ATP8B4: variants seen among roughly 807,000 people sequenced by gnomAD.
ATP8B4 encodes the protein probable phospholipid-transporting ATPase IM.
Under a neutral mutation model 145.6 loss-of-function variants are expected in ATP8B4, and 133 were observed. That is an observed-to-expected ratio of 0.91 (90% confidence interval 0.79 to 1.05). ATP8B4 has a LOEUF of 1.05. ATP8B4 is among the 50% of genes least tolerant of loss of function. The probability of loss-of-function intolerance (pLI) is 0.00; values close to 1 mark genes in which losing one functional copy is unlikely to be tolerated. For synonymous variants in ATP8B4, 507 were observed against 492.9 expected, an observed-to-expected ratio of 1.03 and a Z score of -0.38; for missense variants, 1,458 against 1,425.2, an observed-to-expected ratio of 1.02 and a Z score of -0.37.
intron 20 of ATP8B4, among the ~76,000 whole-genome samples, chr15:49,902,817 T>C (rs2038185937): frequency 6.6e-6 from 1 of 152,172 alleles, no homozygotes; most frequent in Non-Finnish European, 1.5e-5. Flanking sequence ...TCTCTGACAA[T>C]GTTGCAGAGC....
intron 3 of ATP8B4, among the ~76,000 whole-genome samples, chr15:50,072,192 G>T (rs376250980): frequency 6.6e-6 from 1 of 150,428 alleles, no homozygotes; most frequent in African/African-American, 2.5e-5. Context: ...GTACCTAATG[G>T]ACACTGCCAA....
intron 1 of ATP8B4, among the ~76,000 whole-genome samples, chr15:50,132,680 A>G (rs1161809232): frequency 6.6e-6 from 1 of 152,234 alleles, no homozygotes; most frequent in East Asian, 1.9e-4. Context: ...CTGCAGCACT[A>G]TTCACACTAG....
intron 13 of ATP8B4, among the ~76,000 whole-genome samples, chr15:49,970,667 A>G (rs1328162077): frequency 6.6e-6 from 1 of 152,204 alleles, no homozygotes; most frequent in Non-Finnish European, 1.5e-5. Flanking sequence ...GGATAGGAAG[A>G]ATCAATATTG....
chr15:49,881,963 A>ATGTT (rs2035490244), intron 23 of ATP8B4, among the ~76,000 whole-genome samples: 1 of 152,158 alleles, frequency 6.6e-6, no homozygotes. Flanking sequence ...TCCAGACTCT[A>ATGTT]TGTTTATTTC....
At position 50,007,442 on chromosome 15, in the gene ATP8B4, G is replaced by A. The variant is rs376468114; in HGVS notation, c.435+3403C>T. Among the ~76,000 whole-genome samples the A allele has an allele frequency of 1.3e-4, 20 of 152,334 alleles. No homozygotes were observed. The East Asian group carries it at 3.3e-3, about 25-fold the overall frequency. The stretch of plus-strand genomic sequence containing the variant: ...CATTGCATAGACTTAACTCCTGAAT[G>A]TCCCATTGGCGAGCTGTTTGACGGC... On this transcript the variant is annotated intron_variant, in intron 7 of 27. Transcript: ENST00000284509.
At chr15:49,932,806 T>G (rs2041382870) in intron 15 of ATP8B4, among the ~76,000 whole-genome samples, 1 of 151,808 alleles carries the variant, frequency 6.6e-6, no homozygotes, top group South Asian at 2.1e-4. Flanking sequence ...CAAAACTGGG[T>G]CCCCCAAAGA....
At chr15:49,901,000 GA>G (rs1046698271) in intron 21 of ATP8B4, 91 bp downstream of exon 21, 20 of 1,457,642 alleles carry the variant, frequency 1.4e-5, no homozygotes, top group Non-Finnish European at 1.7e-5. Context: ...CATTTGTCTG[GA>G]AAAGACAAAG....
intron 27 of ATP8B4, 81 bp from the exon 28 acceptor site, chr15:49,860,556 C>T (rs1257960598): frequency 4.9e-6 from 7 of 1,423,818 alleles, no homozygotes; most frequent in Admixed American, 2.5e-5. Flanking sequence ...AAAGTGAAAG[C>T]CTTTTTTTTT....
chr15:50,009,383 T>C, intron 7 of ATP8B4: 1 of 156,198 alleles, frequency 6.4e-6, no homozygotes, highest in Non-Finnish European at 1.4e-5. Flanking sequence ...AACAGGCAAA[T>C]CAATAGGTGC....
At chr15:49,979,506 A>T (rs1358320127) in intron 12 of ATP8B4, 111 bp downstream of exon 12, 3 of 823,576 alleles carry the variant, frequency 3.6e-6, no homozygotes, top group Middle Eastern at 4.2e-4. Flanking sequence ...TGCAGATCAT[A>T]AGCAGTTAAG....
intron 5 of ATP8B4, among the ~76,000 whole-genome samples, chr15:50,040,658 C>T (rs1256317891): frequency 6.6e-6 from 1 of 152,140 alleles, no homozygotes; most frequent in African/African-American, 2.4e-5. Flanking sequence ...GTCAGCTCAT[C>T]CCCCAAAAGC....
intron 14 of ATP8B4, among the ~76,000 whole-genome samples, chr15:49,948,216 T>A (rs1395706390): frequency 2.7e-5 from 4 of 147,840 alleles, no homozygotes; most frequent in Non-Finnish European, 5.9e-5. Flanking sequence ...AGGCGGCAGA[T>A]CAGGAGGTCA....
At chr15:50,099,420 C>T (rs1362522504) in intron 2 of ATP8B4, among the ~76,000 whole-genome samples, 1 of 152,120 alleles carries the variant, frequency 6.6e-6, no homozygotes, top group East Asian at 1.9e-4. Flanking sequence ...GCTGGAACTA[C>T]AGGCACGTGC....
At position 49,879,112 on chromosome 15, in the gene ATP8B4, C is replaced by G. The variant is rs149436569; in HGVS notation, c.2781+264G>C. Among the ~76,000 whole-genome samples the G allele has an allele frequency of 1.5e-4, 23 of 152,314 alleles. No homozygotes were observed. The East Asian group carries it at 4.4e-3, about 29-fold the overall frequency. ...AAAGAGATTACTTCGTACAGGACTT[C>G]TAGAGCCTTTAGAGCAATCTATGGG... On this transcript the variant is annotated intron_variant, in intron 24 of 27. Coordinates refer to ENST00000284509, the MANE Select transcript of ATP8B4 (RefSeq NM_024837.4).
At chr15:50,055,410 A>C in intron 3 of ATP8B4, among the ~76,000 whole-genome samples, 1 of 152,164 alleles carries the variant, frequency 6.6e-6, no homozygotes, top group South Asian at 2.1e-4. Context: ...TTGTATCTCT[A>C]TGTTTGTCTT....
chr15:50,012,842 T>C (rs1405672856), intron 6 of ATP8B4, among the ~76,000 whole-genome samples: 2 of 152,122 alleles, frequency 1.3e-5, no homozygotes, highest in African/African-American at 4.8e-5. Flanking sequence ...GAACAATCAG[T>C]GGGTACAATA....
intron 4 of ATP8B4, 23 bp downstream of exon 4, chr15:50,047,328 G>T: frequency 7.2e-7 from 1 of 1,383,586 alleles, no homozygotes; most frequent in South Asian, 1.2e-5. Context: ...ACAGATAATA[G>T]AGAAATACAA....
intron 12 of ATP8B4, among the ~76,000 whole-genome samples, chr15:49,975,892 A>G (rs1242857940): frequency 1.3e-5 from 2 of 152,168 alleles, no homozygotes; most frequent in Non-Finnish European, 2.9e-5. Context: ...TATCCAGAAC[A>G]GTAGAAAATA....
rs550864670 is a variant in ATP8B4 at position 49,983,189 on chromosome 15, T to C, written c.749-1895A>G. On this transcript the variant is annotated intron_variant, in intron 10 of 27. Coordinates refer to ENST00000284509, the MANE Select transcript of ATP8B4 (RefSeq NM_024837.4). The stretch of plus-strand genomic sequence containing the variant: ...AGACAAGATGTGTATCCCCAGCTCA[T>C]GCTGTTCCTCTGAGCTTTAAATCTA... 1.4e-4 allele frequency among the ~76,000 whole-genome samples: 22 copies of C among 152,320 alleles called. No individual in the cohort carries two copies. In the South Asian group the frequency reaches 4.4e-3, roughly 30 times the overall value.
Sources: allele counts gnomAD v4.1 joint callset (sites outside exome capture counted in the v4.1 genomes callset), GRCh38; gene constraint gnomAD v4.1.1; transcripts MANE v1.5; gene names NCBI Gene and HGNC (gene_info 2026-07-23, HGNC 2026-07-21).